The following TTC38 variants were observed in gnomAD, a reference collection of about 807,000 sequenced individuals.
The protein encoded by TTC38 is tetratricopeptide repeat protein 38.
In TTC38, 64 loss-of-function variants were observed where a neutral mutation model predicts 64.2. That is an observed-to-expected ratio of 1.00 (90% CI 0.81 to 1.23). TTC38 has a LOEUF of 1.23. Ranked by LOEUF, TTC38 falls within the 50% of genes most tolerant of loss-of-function variation. The probability of loss-of-function intolerance (pLI) is 0.00; values close to 1 mark genes in which losing one functional copy is unlikely to be tolerated. For synonymous variants in TTC38, 254 were observed against 249.3 expected (o/e 1.02, Z -0.18); for missense variants, 573 against 615.5 (o/e 0.93, Z 0.73).
At chr22:46,289,379 A>G in intron 11 of TTC38, 23 bp from the exon 12 acceptor site, 2 of 1,602,854 alleles carry the variant, frequency 1.2e-6, no homozygotes, top group Non-Finnish European at 1.7e-6. Context: ...CAGGCAGCTG[A>G]GGGCACCGTC....
rs149300930 is a variant in TTC38 at position 46,284,737 on chromosome 22, G to T, written c.796-504G>T. On this transcript the variant is annotated intron_variant, in intron 8 of 13. Transcript: ENST00000381031. ...CTACTAAAAATACAAAAATTAGCCG[G>T]GCATGGTGGCGCCTCCCTGTAGTCC... is the stretch of plus-strand genomic sequence containing the variant. 2.1e-3 allele frequency among the ~76,000 whole-genome samples: 321 copies of T among 151,796 alleles called. 2 individuals carry two copies. Among genetic ancestry groups the T allele is most frequent in the Non-Finnish European group, 3.0e-3 (207 of 67,922 alleles).
rs1307976581 is a variant in TTC38, at chr22:46,281,036, C to T, written c.616-563C>T. Among the ~76,000 whole-genome samples the T allele has an allele frequency of 2.6e-5, 4 of 152,340 alleles. No individual in the cohort carries two copies. Among genetic ancestry groups the T allele is most frequent in the Admixed American group, 6.5e-5 (1 of 15,304 alleles). On this transcript the variant is annotated intron_variant, in intron 6 of 13. Coordinates refer to ENST00000381031, the MANE Select transcript of TTC38 (RefSeq NM_017931.4). The surrounding 1 kb of genome is among the most constrained non-coding windows in gnomAD (Gnocchi z 5.2). ...CTGTCAAGCTCACAGGTCATGGGAG[C>T]GGCTGTTGTCATGAACTGTGATAAC... is the stretch of plus-strand genomic sequence containing the variant.
chr22:46,275,232 C>T lies in TTC38; in HGVS notation c.366-16C>T. 2 of 1,610,468 alleles carry T rather than the reference C, an allele frequency of 1.2e-6. No individual in the cohort carries two copies. Among genetic ancestry groups the T allele is most frequent in the Non-Finnish European group, 1.7e-6 (2 of 1,178,480 alleles). On this transcript the variant is annotated splice_polypyrimidine_tract_variant and intron_variant, in intron 4 of 13. Coordinates refer to ENST00000381031, the MANE Select transcript of TTC38 (RefSeq NM_017931.4). This position sits in a 1 kb window ranked among gnomAD's most constrained non-coding sequence, Gnocchi z 4.5. ...TATGTGTTCAGCGTTGGTGAGAAATCTTTCTCGGTTTCCAGGAACTTTCCG... is the reference window on the plus strand; with the variant it reads ...TATGTGTTCAGCGTTGGTGAGAAATTTTTCTCGGTTTCCAGGAACTTTCCG...
chr22:46,269,974 A>G (rs1936859341), intron 2 of TTC38, among the ~76,000 whole-genome samples: 1 of 152,160 alleles, frequency 6.6e-6, no homozygotes, highest in South Asian at 2.1e-4. Flanking sequence ...TTGTATCTTT[A>G]GTAGAGACGG....
intron 5 of TTC38, among the ~76,000 whole-genome samples, chr22:46,278,285 G>A (rs917410291): frequency 3.9e-5 from 6 of 152,166 alleles, no homozygotes; most frequent in Non-Finnish European, 7.3e-5. Context: ...GGTGCCCAGA[G>A]TTCCTTGAAG....
intron 6 of TTC38, chr22:46,280,145 G>C (rs1471017323): frequency 1.3e-5 from 6 of 471,114 alleles, no homozygotes; most frequent in Admixed American, 1.2e-4. Context: ...GATGGGGCCA[G>C]GAGTGGTAAC....
intron 11 of TTC38, among the ~76,000 whole-genome samples, chr22:46,289,178 G>A (rs2077593554): frequency 2.0e-5 from 3 of 152,240 alleles, no homozygotes; most frequent in African/African-American, 7.2e-5. Context: ...GAGGCTGGAA[G>A]GTGGGGGACC....
chr22:46,275,693 CAAAGGTTTA>C lies in TTC38; in HGVS notation c.539+273_539+281del, dbSNP rs1427836578. ...TCTTCTTCCCCAAAGCTTATTACAGCAAAGGTTTATTTTTCACTCATACTACGTGGCTAC... is the reference window on the plus strand; with the variant it reads ...TCTTCTTCCCCAAAGCTTATTACAGCTTTTTCACTCATACTACGTGGCTAC... On this transcript the variant is annotated intron_variant, in intron 5 of 13. Coordinates refer to ENST00000381031, the MANE Select transcript of TTC38 (RefSeq NM_017931.4). This position sits in a 1 kb window ranked among gnomAD's most constrained non-coding sequence, Gnocchi z 4.5. Among the ~76,000 whole-genome samples, 1 of 152,156 alleles carries C rather than the reference CAAAGGTTTA, an allele frequency of 6.6e-6. No homozygotes were observed.
intron 9 of TTC38, 71 bp from the exon 10 acceptor site, chr22:46,287,002 A>T: frequency 7.8e-7 from 1 of 1,276,442 alleles, no homozygotes; most frequent in Non-Finnish European, 1.1e-6. Context: ...GGACAGGCTG[A>T]CCCTGGCTGT....
intron 2 of TTC38, chr22:46,269,063 C>A: frequency 2.6e-6 from 1 of 389,786 alleles, no homozygotes; most frequent in South Asian, 1.9e-5. Context: ...TACTGGAGGA[C>A]GTGGGAGGGT....
rs2077623815 is a variant in TTC38 at position 46,292,582 on chromosome 22, T to C, written c.1317-209T>C. Among the ~76,000 whole-genome samples, 1 of 152,206 alleles carries C rather than the reference T, an allele frequency of 6.6e-6. No homozygotes were observed. The highest frequency in any genetic ancestry group is 1.5e-5 in the Non-Finnish European group (1 of 68,028). On this transcript the variant is annotated intron_variant, in intron 13 of 13. Coordinates refer to ENST00000381031, the MANE Select transcript of TTC38 (RefSeq NM_017931.4). This position sits in a 1 kb window ranked among gnomAD's most constrained non-coding sequence, Gnocchi z 6.5. ...GCCACCTGTTGTGCCCCATCTCGGG[T>C]GTGGCTTCCTGCACTGGAGGTCTGT...
chr22:46,277,815 CAAG>C (rs2077504485), intron 5 of TTC38, among the ~76,000 whole-genome samples: 1 of 152,068 alleles, frequency 6.6e-6, no homozygotes, highest in Non-Finnish European at 1.5e-5. Context: ...CTGCAGAAGT[CAAG>C]GAGGAGCTGT....
intron 6 of TTC38, among the ~76,000 whole-genome samples, chr22:46,280,680 G>A (rs1192750440): frequency 6.6e-6 from 1 of 152,258 alleles, no homozygotes; most frequent in Non-Finnish European, 1.5e-5. Flanking sequence ...GTGGTGGGCA[G>A]GGAGGCAGGG....
intron 5 of TTC38, among the ~76,000 whole-genome samples, chr22:46,277,426 G>A (rs529672086): frequency 1.3e-5 from 2 of 152,178 alleles, no homozygotes; most frequent in Admixed American, 6.5e-5. Context: ...CCAACATGGT[G>A]AAACCCCGTC....
At position 46,273,576 on chromosome 22, in the gene TTC38, C is replaced by T. The variant is rs1204240187; in HGVS notation, c.194-322C>T. Among the ~76,000 whole-genome samples the T allele has an allele frequency of 3.9e-5, 6 of 152,190 alleles. No individual in the cohort carries two copies. Among genetic ancestry groups the T allele is most frequent in the Admixed American group, 1.3e-4 (2 of 15,280 alleles). On this transcript the variant is annotated intron_variant, in intron 3 of 13. Coordinates refer to ENST00000381031, the MANE Select transcript of TTC38 (RefSeq NM_017931.4). This position sits in a 1 kb window ranked among gnomAD's most constrained non-coding sequence, Gnocchi z 5.1. ...CCCGGGAGCCGTGTGCTGGCTGTGGCGGTAGTGTCAGCTGATGAGCCTGCA... is the reference window on the plus strand; with the variant it reads ...CCCGGGAGCCGTGTGCTGGCTGTGGTGGTAGTGTCAGCTGATGAGCCTGCA...
rs1301564453 is a variant in TTC38 at position 46,281,037 on chromosome 22, G to A, written c.616-562G>A. On this transcript the variant is annotated intron_variant, in intron 6 of 13. Transcript: ENST00000381031. The surrounding 1 kb of genome is among the most constrained non-coding windows in gnomAD (Gnocchi z 5.2). ...TGTCAAGCTCACAGGTCATGGGAGC[G>A]GCTGTTGTCATGAACTGTGATAACC... Among the ~76,000 whole-genome samples the A allele has an allele frequency of 2.0e-5, 3 of 152,224 alleles. No homozygotes were observed. The highest frequency in any genetic ancestry group is 7.2e-5 in the African/African-American group (3 of 41,452).
At chr22:46,287,594 A>G (rs2077581108) in intron 10 of TTC38, among the ~76,000 whole-genome samples, 1 of 152,208 alleles carries the variant, frequency 6.6e-6, no homozygotes, top group South Asian at 2.1e-4. Context: ...GGTAGCCTGG[A>G]GGGACCAACC....
intron 8 of TTC38, 150 bp from the exon 9 acceptor site, chr22:46,285,091 C>T: frequency 2.9e-6 from 2 of 678,588 alleles, no homozygotes; most frequent in Non-Finnish European, 5.2e-6. Context: ...ATCCCGAATG[C>T]CACCAAGACA....
chr22:46,284,113 A>T lies in TTC38; in HGVS notation c.795+81A>T, dbSNP rs1296280683. 2.4e-6 allele frequency: 3 copies of T among 1,227,098 alleles called. No homozygotes were observed. The Admixed American group carries it at 5.9e-5, about 24-fold the overall frequency. The allele number at this position is 1,227,098 out of a possible 1,614,324, so 76.0% of individuals were successfully genotyped here. A position where few individuals can be genotyped will look rare whatever the true frequency, so the allele number is the denominator to read the frequency against. On this transcript the variant is annotated intron_variant, in intron 8 of 13. Coordinates refer to ENST00000381031, the MANE Select transcript of TTC38 (RefSeq NM_017931.4). Reference sequence around the variant, plus strand: ...AAGATTTTTCTAGCTTTTGCTATGTATTCACATCCGTTGGAGCCCTGATGC... The same window carrying T: ...AAGATTTTTCTAGCTTTTGCTATGTTTTCACATCCGTTGGAGCCCTGATGC...
Sources: gnomAD v4.1 joint callset for allele counts (sites outside exome capture counted in the v4.1 genomes callset) on GRCh38, gnomAD v4.1.1 for gene constraint, Gnocchi (gnomAD v3.1) non-coding constraint, MANE v1.5 for transcripts, NCBI Gene and HGNC (gene_info 2026-07-23, HGNC 2026-07-21) for gene names.